Variants in ABCG1 observed in about 807,000 individuals in gnomAD.
ABCG1 encodes ATP-binding cassette sub-family G member 1.
In ABCG1, 29 loss-of-function variants were observed where a neutral mutation model predicts 69.2. The observed-to-expected ratio is 0.42, with a 90% confidence interval of 0.31 to 0.57. The LOEUF (loss-of-function observed/expected upper bound fraction) is 0.57. Among genes scored for constraint, ABCG1 ranks in the 20% least tolerant of loss-of-function variants. ABCG1 has a pLI of 0.15. For synonymous variants in ABCG1, 370 were observed against 374.8 expected (o/e 0.99, Z 0.15); for missense variants, 718 against 898.1 (o/e 0.80, Z 2.56).
At chr21:42,277,346 C>T (rs930213449) in intron 5 of ABCG1, among the ~76,000 whole-genome samples, 1 of 152,292 alleles carries the variant, frequency 6.6e-6, no homozygotes, top group African/African-American at 2.4e-5. Context: ...TTAAAAATAA[C>T]CACCCTCCAT....
chr21:42,230,229 T>C (rs1018877634), intron 2 of ABCG1, among the ~76,000 whole-genome samples: 1 of 152,342 alleles, frequency 6.6e-6, no homozygotes, highest in East Asian at 1.9e-4. Context: ...ATATGACTAA[T>C]GATGTCTTTG....
At chr21:42,228,282 G>C (rs2067849332) in intron 2 of ABCG1, among the ~76,000 whole-genome samples, 1 of 152,198 alleles carries the variant, frequency 6.6e-6, no homozygotes, top group Non-Finnish European at 1.5e-5. Flanking sequence ...ACTCAGAAAT[G>C]GGTGGAGCCA....
intron 2 of ABCG1, among the ~76,000 whole-genome samples, chr21:42,237,174 G>A (rs1202627100): frequency 6.6e-6 from 1 of 152,202 alleles, no homozygotes; most frequent in Non-Finnish European, 1.5e-5. Flanking sequence ...TCTTCCCAGG[G>A]GCGTTCTGTG....
At chr21:42,218,026 T>A (rs1341678642), upstream of ABCG1, among the ~76,000 whole-genome samples, 1 of 152,122 alleles carries the variant, frequency 6.6e-6, no homozygotes, top group African/African-American at 2.4e-5. Flanking sequence ...CTTAAACTCA[T>A]AACCGTGTCT....
intron 1 of ABCG1, among the ~76,000 whole-genome samples, chr21:42,200,611 T>TTTTTTTTTTG (rs1555943843): frequency 6.6e-6 from 1 of 151,076 alleles, no homozygotes; most frequent in African/African-American, 2.4e-5. Flanking sequence ...TTTTTTTTTT[T>TTTTTTTTTTG]AGACGGAGTC....
intron 2 of ABCG1, among the ~76,000 whole-genome samples, chr21:42,264,423 G>GTCCA (rs2068466524): frequency 6.6e-6 from 1 of 151,860 alleles, no homozygotes; most frequent in African/African-American, 2.4e-5. Flanking sequence ...CCATCCATCT[G>GTCCA]TCCATCCATC....
intron 2 of ABCG1, among the ~76,000 whole-genome samples, chr21:42,257,667 A>T (rs1367707274): frequency 6.6e-6 from 1 of 152,234 alleles, no homozygotes; most frequent in Non-Finnish European, 1.5e-5. Flanking sequence ...TGGATGAAAT[A>T]TTCCAGAAAT....
chr21:42,294,048 G>C (rs2069153582), intron 13 of ABCG1, among the ~76,000 whole-genome samples: 1 of 151,912 alleles, frequency 6.6e-6, no homozygotes, highest in Non-Finnish European at 1.5e-5. Flanking sequence ...TGTGCTCACT[G>C]TGAACCCTGA....
At chr21:42,212,675 G>A (rs1270304722), upstream of ABCG1, among the ~76,000 whole-genome samples, 2 of 151,722 alleles carry the variant, frequency 1.3e-5, no homozygotes, top group African/African-American at 4.8e-5. Flanking sequence ...ATGGTAAAAT[G>A]TGAGAAGGGA....
chr21:42,209,690 G>A (rs1441652049), intron 2 of ABCG1, among the ~76,000 whole-genome samples: 1 of 152,230 alleles, frequency 6.6e-6, no homozygotes, highest in Non-Finnish European at 1.5e-5. Context: ...TTCAAGGTCA[G>A]AAGGGAGAGT....
At chr21:42,290,355 G>A in intron 11 of ABCG1, 137 bp downstream of exon 11, 4 of 946,676 alleles carry the variant, frequency 4.2e-6, no homozygotes, top group Non-Finnish European at 6.2e-6. Flanking sequence ...CATCTTCTTT[G>A]TTGACAGATG....
upstream of ABCG1, among the ~76,000 whole-genome samples, chr21:42,212,772 C>A (rs927379616): frequency 6.7e-6 from 1 of 150,166 alleles, no homozygotes; most frequent in Non-Finnish European, 1.5e-5. Context: ...CGGCTCACTG[C>A]AAGCTCCGCT....
intron 3 of ABCG1, among the ~76,000 whole-genome samples, chr21:42,271,454 G>A (rs1400864841): frequency 1.3e-5 from 2 of 152,224 alleles, no homozygotes; most frequent in African/African-American, 4.8e-5. Flanking sequence ...GGAGGAAGTA[G>A]GAAGGTCAAG....
chr21:42,246,914 T>C (rs1002509817), intron 2 of ABCG1, among the ~76,000 whole-genome samples: 6 of 152,140 alleles, frequency 3.9e-5, no homozygotes, highest in Non-Finnish European at 8.8e-5. Context: ...GGGATAAGTT[T>C]TTAAAAGAAA....
intron 5 of ABCG1, among the ~76,000 whole-genome samples, chr21:42,279,586 G>T (rs531101930): frequency 5.6e-4 from 85 of 152,354 alleles, no homozygotes; most frequent in African/African-American, 2.0e-3. Context: ...TGAACTGGAT[G>T]GTTTCTTTAA....
intron 2 of ABCG1, among the ~76,000 whole-genome samples, chr21:42,227,965 C>T (rs2067843737): frequency 1.3e-5 from 2 of 152,204 alleles, no homozygotes; most frequent in Admixed American, 1.3e-4. Context: ...CACCTCTCGC[C>T]CAGTCCCTCC....
chr21:42,263,900 G>T (rs1191850549), intron 2 of ABCG1, among the ~76,000 whole-genome samples: 1 of 152,244 alleles, frequency 6.6e-6, no homozygotes, highest in Admixed American at 6.5e-5. Flanking sequence ...TGTTGCTCAA[G>T]GTTCATTTGT....
intron 2 of ABCG1, among the ~76,000 whole-genome samples, chr21:42,238,727 G>A (rs1039702148): frequency 2.0e-5 from 3 of 152,218 alleles, no homozygotes; most frequent in Non-Finnish European, 4.4e-5. Context: ...TTAGGAGGAT[G>A]TGAGATGTTA....
At chr21:42,243,705 T>A (rs1386403368) in intron 2 of ABCG1, among the ~76,000 whole-genome samples, 3 of 151,978 alleles carry the variant, frequency 2.0e-5, no homozygotes, top group Non-Finnish European at 4.4e-5. Flanking sequence ...TTTGCAGGAT[T>A]CCCGGCGCCC....
Sources: gnomAD v4.1 joint callset for allele counts (sites outside exome capture counted in the v4.1 genomes callset) on GRCh38, gnomAD v4.1.1 for gene constraint, MANE v1.5 for transcripts, NCBI Gene and HGNC (gene_info 2026-07-23, HGNC 2026-07-21) for gene names.